POLE3: variants seen among roughly 807,000 people sequenced by gnomAD.
The protein encoded by POLE3 is DNA polymerase epsilon subunit 3.
In POLE3, 10 loss-of-function variants were observed where a neutral mutation model predicts 16.1. The ratio of observed to expected loss-of-function variants is 0.62; its 90% CI spans 0.38 to 1.05. The LOEUF is 1.05. Among genes scored for constraint, POLE3 ranks in the 50% least tolerant of loss-of-function variants. POLE3 has a pLI of 0.01. For missense variants in POLE3, 169 were observed against 185.0 expected, an observed-to-expected ratio of 0.91 and a Z score of 0.50; for synonymous variants, 83 against 71.0, an observed-to-expected ratio of 1.17 and a Z score of -0.85.
In POLE3 at chr9:113,407,783, C is replaced by G. The variant is rs1272602518; in HGVS notation, c.*1028G>C. 1 of 152,652 alleles carries G rather than the reference C, an allele frequency of 6.6e-6. No homozygotes were observed. Among genetic ancestry groups the G allele is most frequent in the Admixed American group, 6.5e-5 (1 of 15,270 alleles). 9.5% of individuals were successfully genotyped at this position (152,652 alleles called of 1,614,324 possible). A position where few individuals can be genotyped will look rare whatever the true frequency, so the allele number is the denominator to read the frequency against. On this transcript the variant is annotated 3_prime_UTR_variant, in exon 5 of 5. Coordinates refer to ENST00000374171, the MANE Select transcript of POLE3 (RefSeq NM_017443.5). ...GGAACTCACACTTTGGAGTATTAAG[C>G]AGGTTATCAAAGCTTACAGACTGAC...
chr9:113,409,258 G>A (rs1487271319), intron 4 of POLE3, among the ~76,000 whole-genome samples: 1 of 151,540 alleles, frequency 6.6e-6, no homozygotes, highest in Non-Finnish European at 1.5e-5. Context: ...TACTCGGGAG[G>A]CTGAGGCAGG....
rs1588095798 is a variant in POLE3, at chr9:113,410,640, T to G, written c.-139A>C. The G allele has an allele frequency of 5.5e-5, 19 of 342,418 alleles. No individual in the cohort carries two copies. The East Asian group carries it at 1.1e-3, about 19-fold the overall frequency. 21.2% of individuals were successfully genotyped at this position (342,418 alleles called of 1,614,324 possible). On this transcript the variant is annotated 5_prime_UTR_variant, in exon 1 of 5. Transcript: ENST00000374171. ...ACCAACTTATTTGGCTCAATGGAGC[T>G]TCCGTCCGTTTCCCATGGTGCCCTG... is the stretch of plus-strand genomic sequence containing the variant.
chr9:113,408,865 G>GTCTTCA lies in POLE3; in HGVS notation c.384_389dup (p.Asp130_Glu131dup). ...GTTCTTCTTCTTCCAGCCTTTCTTC[G>GTCTTCA]TCTTCATCATTGTCCTCATCCCTGC... is the stretch of plus-strand genomic sequence containing the variant. On this transcript the variant is annotated inframe_insertion, in exon 5 of 5. Transcript: ENST00000374171. 6.2e-7 allele frequency: 1 copy of GTCTTCA among 1,612,440 alleles called. No individual in the cohort carries two copies. The highest frequency in any genetic ancestry group is 8.5e-7 in the Non-Finnish European group (1 of 1,179,250).
chr9:113,409,373 A>AC, intron 4 of POLE3, among the ~76,000 whole-genome samples: 1 of 150,302 alleles, frequency 6.7e-6, no homozygotes, highest in East Asian at 1.9e-4. Flanking sequence ...AAAAAAAAAA[A>AC]AAAAACAAAA....
In POLE3 at chr9:113,410,643, CG is replaced by C. The variant is rs1220825373; in HGVS notation, c.-143del. 8.7e-6 allele frequency: 3 copies of C among 344,702 alleles called. No homozygotes were observed. The highest frequency in any genetic ancestry group is 1.6e-5 in the Non-Finnish European group (3 of 182,164). The allele number at this position is 344,702 out of a possible 1,614,324, so 21.4% of individuals were successfully genotyped here. On this transcript the variant is annotated 5_prime_UTR_variant, in exon 1 of 5. It removes the in-frame stop codon of an upstream open reading frame in the 5' UTR. Coordinates refer to ENST00000374171, the MANE Select transcript of POLE3 (RefSeq NM_017443.5). ...AACTTATTTGGCTCAATGGAGCTTC[CG>C]TCCGTTTCCCATGGTGCCCTGCGCC... is the stretch of plus-strand genomic sequence containing the variant.
chr9:113,408,737 A>C lies in POLE3; in HGVS notation c.*74T>G. The C allele has an allele frequency of 7.9e-7, 1 of 1,273,306 alleles. No homozygotes were observed. The highest frequency in any genetic ancestry group is 1.5e-5 in the African/African-American group (1 of 67,590). 78.9% of individuals were successfully genotyped at this position (1,273,306 alleles called of 1,614,324 possible). A position where few individuals can be genotyped will look rare whatever the true frequency, so the allele number is the denominator to read the frequency against. On this transcript the variant is annotated 3_prime_UTR_variant, in exon 5 of 5. Coordinates refer to ENST00000374171, the MANE Select transcript of POLE3 (RefSeq NM_017443.5). ...CTGAGACTACTCTGCCCAGCATGGA[A>C]AAGCTTCACAGAAACACGTAGCACG...
chr9:113,409,991 GCTCCCAGCCAGCAA>G (rs1471373171), intron 3 of POLE3, 50 bp downstream of exon 3: 2 of 1,349,142 alleles, frequency 1.5e-6, no homozygotes, highest in South Asian at 1.3e-5. Flanking sequence ...GGGTTTGTAG[GCTCCCAGCCAGCAA>G]CTCCCAGCCA....
intron 1 of POLE3, 34 bp downstream of exon 1, chr9:113,410,583 C>T (rs35731274): frequency 3.7e-5 from 19 of 512,264 alleles, no homozygotes; most frequent in African/African-American, 3.2e-4. Flanking sequence ...CATTTCTCTG[C>T]TTCTCGCCAT....
chr9:113,410,486 C>G, intron 1 of POLE3, 78 bp from the exon 2 acceptor site: 1 of 609,690 alleles, frequency 1.6e-6, no homozygotes, highest in Non-Finnish European at 2.9e-6. Flanking sequence ...CAAATACCGG[C>G]GCATCCGGAT....
chr9:113,408,756 T>G lies in POLE3; in HGVS notation c.*55A>C. On this transcript the variant is annotated 3_prime_UTR_variant, in exon 5 of 5. Transcript: ENST00000374171. Reference sequence around the variant, plus strand: ...CATGGAAAAGCTTCACAGAAACACGTAGCACGTCTCATTTCAAGTGGTACC... The same window carrying G: ...CATGGAAAAGCTTCACAGAAACACGGAGCACGTCTCATTTCAAGTGGTACC... 3 of 1,417,878 alleles carry G rather than the reference T, an allele frequency of 2.1e-6. No individual in the cohort carries two copies. The highest frequency in any genetic ancestry group is 3.0e-6 in the Non-Finnish European group (3 of 1,009,510). The allele number at this position is 1,417,878 out of a possible 1,614,324, so 87.8% of individuals were successfully genotyped here.
chr9:113,408,762 G>A lies in POLE3; in HGVS notation c.*49C>T, dbSNP rs1240381405. The A allele has an allele frequency of 6.9e-7, 1 of 1,452,044 alleles. No individual in the cohort carries two copies. Among genetic ancestry groups the A allele is most frequent in the Non-Finnish European group, 9.6e-7 (1 of 1,038,864 alleles). 89.9% of individuals were successfully genotyped at this position (1,452,044 alleles called of 1,614,324 possible). On this transcript the variant is annotated 3_prime_UTR_variant, in exon 5 of 5. Transcript: ENST00000374171. The stretch of plus-strand genomic sequence containing the variant: ...AAAGCTTCACAGAAACACGTAGCAC[G>A]TCTCATTTCAAGTGGTACCTTCCAA...
rs1828035891 is a variant in POLE3, at chr9:113,409,650, C to G, written c.231G>C (p.Glu77Asp). 6.2e-7 allele frequency: 1 copy of G among 1,613,052 alleles called. No individual in the cohort carries two copies. Among genetic ancestry groups the G allele is most frequent in the African/African-American group, 1.3e-5 (1 of 74,916 alleles). The change falls in exon 4 of 5, where the codon GAG becomes GAC. Residue 77 changes from glutamate (E) to aspartate (D), a missense_variant. Transcript: ENST00000374171. ...TCAATGGGGTAACGAACCGCTGGAA[C>G]TCCATCTCTTCCATGGCTGAGAGCA... ...SDVLSAMEEM[E>D]FQRFVTPLKE...
intron 4 of POLE3, among the ~76,000 whole-genome samples, chr9:113,409,367 A>AC: frequency 6.6e-6 from 1 of 151,524 alleles, no homozygotes; most frequent in Non-Finnish European, 1.5e-5. Context: ...CTCAAAAAAA[A>AC]AAAAAAAAAA....
chr9:113,408,933 T>C lies in POLE3; in HGVS notation c.322A>G (p.Lys108Glu). Residue 108 changes from lysine (K) to glutamate (E), a missense_variant, in exon 5 of 5, where the codon AAG becomes GAG. Coordinates refer to ENST00000374171, the MANE Select transcript of POLE3 (RefSeq NM_017443.5). ...GAGTCTGTTTTTTTGTCTTTGTCCT[T>C]CTTCTTTTGCTCTGAGGCCTCCTTC... is the stretch of plus-strand genomic sequence containing the variant. The part of the protein sequence containing the change: ...GKKEASEQKK[K>E]DKDKKTDSEE... 5 of 1,613,790 alleles carry C rather than the reference T, an allele frequency of 3.1e-6. No homozygotes were observed. Among genetic ancestry groups the C allele is most frequent in the Non-Finnish European group, 3.4e-6 (4 of 1,179,858 alleles).
At position 113,410,305 on chromosome 9, in the gene POLE3, G is replaced by C; in HGVS notation, c.-12C>G. The stretch of plus-strand genomic sequence containing the variant: ...GGCCTCTCCGCCATTGCCGCCGCTG[G>C]GGCTTAAACTCCCCTTCGCCTCCGC... On this transcript the variant is annotated 5_prime_UTR_variant, in exon 2 of 5. Coordinates refer to ENST00000374171, the MANE Select transcript of POLE3 (RefSeq NM_017443.5). 6.2e-7 allele frequency: 1 copy of C among 1,611,902 alleles called. No homozygotes were observed. The highest frequency in any genetic ancestry group is 1.1e-5 in the South Asian group (1 of 90,718).
At position 113,408,654 on chromosome 9, in the gene POLE3, G is replaced by A; in HGVS notation, c.*157C>T. On this transcript the variant is annotated 3_prime_UTR_variant, in exon 5 of 5. Coordinates refer to ENST00000374171, the MANE Select transcript of POLE3 (RefSeq NM_017443.5). ...CTCAGATGCTCTGAGTTTGGTAAGT[G>A]CTGGTTTTGACGGTATTTCTAGTCA... 7.8e-6 allele frequency: 5 copies of A among 637,536 alleles called. No individual in the cohort carries two copies. The South Asian group carries it at 1.0e-4, about 13-fold the overall frequency. 39.5% of individuals were successfully genotyped at this position (637,536 alleles called of 1,614,324 possible).
At position 113,407,538 on chromosome 9, in the gene POLE3, T is replaced by C. The variant is rs1827966748; in HGVS notation, c.*1273A>G. The stretch of plus-strand genomic sequence containing the variant: ...TTTGTGAAGGGGCTTCACAAAATAA[T>C]TTTTAGAAGACATGAGACAAAATTA... On this transcript the variant is annotated 3_prime_UTR_variant, in exon 5 of 5. Coordinates refer to ENST00000374171, the MANE Select transcript of POLE3 (RefSeq NM_017443.5). The C allele has an allele frequency of 6.6e-6, 1 of 152,566 alleles. No homozygotes were observed. The highest frequency in any genetic ancestry group is 2.1e-4 in the South Asian group (1 of 4,828). 9.5% of individuals were successfully genotyped at this position (152,566 alleles called of 1,614,324 possible).
At chr9:113,410,730 G>C (rs903781738), upstream of POLE3, 4 of 232,696 alleles carry the variant, frequency 1.7e-5, no homozygotes, top group Non-Finnish European at 3.4e-5. Flanking sequence ...GGCTGACTCG[G>C]CGGGGCGGAT....
chr9:113,409,917 AG>A, intron 3 of POLE3, 137 bp downstream of exon 3: 1 of 793,782 alleles, frequency 1.3e-6, no homozygotes, highest in East Asian at 2.7e-5. Flanking sequence ...ATTTTGCTTC[AG>A]AACTTGTAAA....
Sources: allele counts gnomAD v4.1 joint callset (sites outside exome capture counted in the v4.1 genomes callset), GRCh38; gene constraint gnomAD v4.1.1; transcripts MANE v1.5; gene names NCBI Gene and HGNC (gene_info 2026-07-23, HGNC 2026-07-21).